PLEKHA6: variants seen among roughly 807,000 people sequenced by gnomAD.
The protein encoded by PLEKHA6 is pleckstrin homology domain containing A6, also known as pleckstrin homology domain-containing family A member 6.
Under a neutral mutation model 116.7 loss-of-function variants are expected in PLEKHA6, and 60 were observed. The observed-to-expected ratio is 0.51, with a 90% CI of 0.42 to 0.64. The LOEUF is 0.64. Ranked by LOEUF, PLEKHA6 falls within the 30% of genes least tolerant of loss-of-function variation. The probability of loss-of-function intolerance (pLI) is 0.00; values close to 1 mark genes in which losing one functional copy is unlikely to be tolerated. For synonymous variants in PLEKHA6, 489 were observed against 556.1 expected (o/e 0.88, Z 1.70); for missense variants, 1,338 against 1,422.7 (o/e 0.94, Z 0.96).
chr1:204,244,907 A>G lies in PLEKHA6; in HGVS notation c.2129T>C (p.Val710Ala). Residue 710 changes from valine to alanine, a missense_variant, in exon 15 of 23, where the codon GTG becomes GCG. Val to Ala is a moderately conservative substitution (Grantham distance 64). Transcript: ENST00000272203. ...GGTGGGGGACCCCTGAGAGCCCGACACCAGTGAAAAGGGGCTCAGGGGGCT... is the reference window on the plus strand; with the variant it reads ...GGTGGGGGACCCCTGAGAGCCCGACGCCAGTGAAAAGGGGCTCAGGGGGCT... ...LTSPLSPFSL[V>A]SGSQGSPTKP... The G allele has an allele frequency of 6.4e-7, 1 of 1,552,518 alleles. No homozygotes were observed. Among genetic ancestry groups the G allele is most frequent in the East Asian group, 2.5e-5 (1 of 40,598 alleles).
intron 1 of PLEKHA6, among the ~76,000 whole-genome samples, chr1:204,279,745 A>AT (rs1207202988): frequency 6.6e-6 from 1 of 152,168 alleles, no homozygotes; most frequent in East Asian, 1.9e-4. Flanking sequence ...ACATGGCAGG[A>AT]CCAAACATTC....
intron 9 of PLEKHA6, among the ~76,000 whole-genome samples, chr1:204,256,019 G>A (rs1482000649): frequency 1.3e-5 from 2 of 152,178 alleles, no homozygotes; most frequent in African/African-American, 2.4e-5. Context: ...TGGAAAAATC[G>A]GTTGTTTCTG....
intron 1 of PLEKHA6, among the ~76,000 whole-genome samples, chr1:204,312,484 C>T (rs942533063): frequency 6.6e-6 from 1 of 152,210 alleles, no homozygotes; most frequent in African/African-American, 2.4e-5. Flanking sequence ...ACAACCTGCC[C>T]TTGCTTGGGT....
rs947546475 is a variant in PLEKHA6 at position 204,353,877 on chromosome 1, G to A, written c.-95+5817C>T. Reference sequence around the variant, plus strand: ...AAAGCAGGTTTTTCTTCCCTGCTCCGATCCCCTTCAATTCCCCAGTGAGAC... The same window carrying A: ...AAAGCAGGTTTTTCTTCCCTGCTCCAATCCCCTTCAATTCCCCAGTGAGAC... On this transcript the variant is annotated intron_variant, in intron 1 of 22. Coordinates refer to ENST00000272203, the MANE Select transcript of PLEKHA6 (RefSeq NM_014935.5). Among the ~76,000 whole-genome samples, 7 of 151,890 alleles carry A rather than the reference G, an allele frequency of 4.6e-5. No homozygotes were observed. In the East Asian group the frequency reaches 5.8e-4, roughly 13 times the overall value.
intron 1 of PLEKHA6, among the ~76,000 whole-genome samples, chr1:204,376,761 G>A (rs1165647617): frequency 3.3e-5 from 5 of 152,170 alleles, no homozygotes; most frequent in African/African-American, 4.8e-5. Flanking sequence ...TTGTAGCTCC[G>A]ATGTTTTTAA....
chr1:204,228,392 A>C lies in PLEKHA6; in HGVS notation c.2886-164T>G, dbSNP rs1331864964. ...CTAGGAGTGAGTGGGACCCTGGCAA[A>C]ACACAGGTTGGGACCCCTACCTTCA... On this transcript the variant is annotated intron_variant, in intron 20 of 22. Transcript: ENST00000272203. The surrounding 1 kb of genome is among the most constrained non-coding windows in gnomAD (Gnocchi z 4.0). 1.3e-5 allele frequency among the ~76,000 whole-genome samples: 2 copies of C among 152,160 alleles called. No individual in the cohort carries two copies. The highest frequency in any genetic ancestry group is 4.8e-5 in the African/African-American group (2 of 41,420).
intron 1 of PLEKHA6, among the ~76,000 whole-genome samples, chr1:204,280,094 C>T (rs1231856066): frequency 7.2e-5 from 11 of 152,068 alleles, no homozygotes; most frequent in East Asian, 3.9e-4. Flanking sequence ...GTCTCAAGAG[C>T]GATAAATTAC....
intron 6 of PLEKHA6, among the ~76,000 whole-genome samples, chr1:204,263,579 G>A (rs1461561988): frequency 6.6e-6 from 1 of 152,158 alleles, no homozygotes; most frequent in Non-Finnish European, 1.5e-5. Flanking sequence ...CGAGGGGCTG[G>A]TGGGCAGAGA....
At chr1:204,251,514 C>A (rs970747873) in intron 9 of PLEKHA6, 5 of 702,206 alleles carry the variant, frequency 7.1e-6, no homozygotes, top group African/African-American at 5.2e-5. Flanking sequence ...GACCATGCTG[C>A]CAGGCAGAGG....
rs144520665 is a variant in PLEKHA6, at chr1:204,332,982, C to T, written c.-95+26712G>A. 4.1e-3 allele frequency among the ~76,000 whole-genome samples: 630 copies of T among 152,302 alleles called. 4 individuals are homozygous for T. Among genetic ancestry groups the T allele is most frequent in the African/African-American group, 0.014 (591 of 41,558 alleles). ...AAATGCAGAGTATCATTATCATAAA[C>T]GAAAGTTCCTGCCCCACCTAGGGAG... On this transcript the variant is annotated intron_variant, in intron 1 of 22. Coordinates refer to ENST00000272203, the MANE Select transcript of PLEKHA6 (RefSeq NM_014935.5).
In PLEKHA6 at chr1:204,374,944, C is replaced by T. The variant is rs540377087; in HGVS notation, c.83+2639G>A. Among the ~76,000 whole-genome samples, 4 of 152,326 alleles carry T rather than the reference C, an allele frequency of 2.6e-5. No individual in the cohort carries two copies. In the East Asian group the frequency reaches 7.7e-4, roughly 29 times the overall value. ...CTCCCCCTCTCCTAAATCCACTAGG[C>T]ATTTTTTAGCCTTTGGCCCGTTTGG... On this transcript the variant is annotated intron_variant, in intron 1 of 4. Coordinates refer to the PLEKHA6 transcript ENST00000564627.
chr1:204,287,343 C>A (rs961662008), intron 1 of PLEKHA6, among the ~76,000 whole-genome samples: 1 of 151,672 alleles, frequency 6.6e-6, no homozygotes, highest in Non-Finnish European at 1.5e-5. Context: ...CCAAGGAATT[C>A]TTGTCCACAC....
intron 17 of PLEKHA6, among the ~76,000 whole-genome samples, chr1:204,233,285 CA>C (rs1404801948): frequency 7.9e-5 from 12 of 151,358 alleles, no homozygotes; most frequent in Non-Finnish European, 4.4e-5. Context: ...GACAATCTTC[CA>C]GCCTAAGCCT....
chr1:204,376,778 A>G (rs746326554), intron 1 of PLEKHA6, among the ~76,000 whole-genome samples: 8 of 152,220 alleles, frequency 5.3e-5, no homozygotes, highest in Admixed American at 1.3e-4. Flanking sequence ...TTAAGTGGCT[A>G]TCTTGAGGAA....
chr1:204,263,945 G>A (rs560411416), intron 6 of PLEKHA6, among the ~76,000 whole-genome samples: 13 of 152,022 alleles, frequency 8.6e-5, no homozygotes, highest in African/African-American at 2.4e-4. Context: ...TCCCTGTAGC[G>A]GGCCCTGTGC....
chr1:204,253,324 T>TA (rs568121850), intron 9 of PLEKHA6, among the ~76,000 whole-genome samples: 71 of 147,646 alleles, frequency 4.8e-4, no homozygotes, highest in African/African-American at 1.5e-3. Context: ...TTTCCAAGAT[T>TA]AAAAAAAAAA....
chr1:204,268,415 C>A (rs1392706867), intron 3 of PLEKHA6, 103 bp from the exon 4 acceptor site: 1 of 608,474 alleles, frequency 1.6e-6, no homozygotes, highest in South Asian at 3.3e-5. Context: ...CTAGGGTTAA[C>A]CCTGGGGTGC....
At chr1:204,342,775 G>A (rs1244536909) in intron 1 of PLEKHA6, among the ~76,000 whole-genome samples, 1 of 152,214 alleles carries the variant, frequency 6.6e-6, no homozygotes, top group Non-Finnish European at 1.5e-5. Flanking sequence ...AGAGTTGGAG[G>A]TAAGGAAGTT....
At chr1:204,251,224 C>A (rs1664511256) in intron 9 of PLEKHA6, among the ~76,000 whole-genome samples, 1 of 152,214 alleles carries the variant, frequency 6.6e-6, no homozygotes, top group South Asian at 2.1e-4. Flanking sequence ...CCAGTGACGT[C>A]TGTCAAGATG....
Sources: gnomAD v4.1 joint callset for allele counts (sites outside exome capture counted in the v4.1 genomes callset) on GRCh38, gnomAD v4.1.1 for gene constraint, Gnocchi (gnomAD v3.1) non-coding constraint, MANE v1.5 for transcripts, NCBI Gene and HGNC (gene_info 2026-07-23, HGNC 2026-07-21) for gene names.